Variants in ZNF737 observed in about 807,000 individuals in gnomAD.
ZNF737 encodes zinc finger protein 102 (Y3).
In ZNF737, 13 loss-of-function variants were observed where a neutral mutation model predicts 11.7. That is an observed-to-expected ratio of 1.11 (90% confidence interval 0.73 to 1.77). The LOEUF (loss-of-function observed/expected upper bound fraction) is 1.77. ZNF737 is among the 40% of genes most tolerant of loss of function. The pLI is 0.00. For missense variants in ZNF737, 636 were observed against 638.0 expected (o/e 1.00, Z 0.03); for synonymous variants, 217 against 216.2 (o/e 1.00, Z -0.03).
intron 1 of ZNF737, among the ~76,000 whole-genome samples, chr19:20,557,045 T>C (rs1316940823): frequency 2.6e-5 from 4 of 152,332 alleles, no homozygotes; most frequent in Middle Eastern, 3.4e-3. Flanking sequence ...ATGAAAGAGA[T>C]AGAAAGAAAG....
chr19:20,534,403 T>C (rs1472625473), downstream of ZNF737, among the ~76,000 whole-genome samples: 3 of 149,634 alleles, frequency 2.0e-5, no homozygotes, highest in South Asian at 6.5e-4. Context: ...GATTGTGCCA[T>C]TGCACTCCAG....
At chr19:20,535,638 G>T (rs1967941260), downstream of ZNF737, among the ~76,000 whole-genome samples, 2 of 150,822 alleles carry the variant, frequency 1.3e-5, no homozygotes, top group African/African-American at 4.9e-5. Context: ...AGATTCTCCT[G>T]CCTCAGCCTC....
Position 20,539,697 on chromosome 19 carries a change from T to C in ZNF737, c.*4895A>G. 2 of 965,062 alleles carry C rather than the reference T, an allele frequency of 2.1e-6. No individual in the cohort carries two copies. The highest frequency in any genetic ancestry group is 2.5e-6 in the Non-Finnish European group (2 of 811,524). The allele number at this position is 965,062 out of a possible 1,614,324, so 59.8% of individuals were successfully genotyped here. On this transcript the variant is annotated 3_prime_UTR_variant, in exon 4 of 4. Transcript: ENST00000427401. ...TTAATTATTTATAAATTCATTGTTT[T>C]TAAGGTTTTTCAAATATGAAAACAG... is the stretch of plus-strand genomic sequence containing the variant.
At position 20,541,216 on chromosome 19, in the gene ZNF737, T is replaced by A; in HGVS notation, c.*3376A>T. 7 of 983,652 alleles carry A rather than the reference T, an allele frequency of 7.1e-6. No homozygotes were observed. The highest frequency in any genetic ancestry group is 8.5e-6 in the Non-Finnish European group (7 of 828,322). The allele number at this position is 983,652 out of a possible 1,614,324, so 60.9% of individuals were successfully genotyped here. A position where few individuals can be genotyped will look rare whatever the true frequency, so the allele number is the denominator to read the frequency against. On this transcript the variant is annotated 3_prime_UTR_variant, in exon 4 of 4. Transcript: ENST00000427401. Reference sequence around the variant, plus strand: ...ACCTAAATAACATAATTTGTTTTGTTGCAGTAATTGCTTTTATTCTGAAAA... The same window carrying A: ...ACCTAAATAACATAATTTGTTTTGTAGCAGTAATTGCTTTTATTCTGAAAA...
At chr19:20,547,400 A>C (rs1371500182) in intron 3 of ZNF737, among the ~76,000 whole-genome samples, 3 of 148,594 alleles carry the variant, frequency 2.0e-5, no homozygotes, top group African/African-American at 2.5e-5. Flanking sequence ...AAAAAAAAAA[A>C]ACACCACCTA....
rs1555756434 is a variant in ZNF737, at chr19:20,545,074, C to T, written c.1129G>A (p.Ala377Thr). 4.3e-6 allele frequency: 7 copies of T among 1,612,694 alleles called. No homozygotes were observed. In the South Asian group the frequency reaches 5.5e-5, roughly 13 times the overall value. ...GTAAGGTGTGAGGACCAGTTGAAGGCTTTGCCACATTCTTCACATTTGTAG... is the reference window on the plus strand; with the variant it reads ...GTAAGGTGTGAGGACCAGTTGAAGGTTTTGCCACATTCTTCACATTTGTAG... The part of the protein sequence containing the change: ...KPYKCEECGK[A>T]FNWSSHLTTH... The change falls in exon 4 of 4, where the codon GCC (alanine) becomes ACC (threonine). Residue 377 changes from alanine to threonine, a missense_variant. Ala to Thr is a moderately conservative substitution (Grantham distance 58). Transcript: ENST00000427401.
chr19:20,556,347 AT>A (rs1396218064), intron 1 of ZNF737, among the ~76,000 whole-genome samples: 3 of 152,104 alleles, frequency 2.0e-5, no homozygotes, highest in African/African-American at 7.2e-5. Flanking sequence ...GGCACAAGAG[AT>A]TTCTGCAAAT....
Position 20,538,631 on chromosome 19 carries a change from C to T in ZNF737, c.*5961G>A, listed in dbSNP as rs1398969569. The T allele has an allele frequency of 1.0e-6, 1 of 983,304 alleles. No homozygotes were observed. Among genetic ancestry groups the T allele is most frequent in the African/African-American group, 1.7e-5 (1 of 57,202 alleles). The allele number at this position is 983,304 out of a possible 1,614,324, so 60.9% of individuals were successfully genotyped here. On this transcript the variant is annotated 3_prime_UTR_variant, in exon 4 of 4. Coordinates refer to ENST00000427401, the MANE Select transcript of ZNF737 (RefSeq NM_001159293.2). ...GCTATTTCTTTACAGCTCCAGAGAA[C>T]AAACATTTCTAAAACCATTATGGAC...
intron 1 of ZNF737, among the ~76,000 whole-genome samples, chr19:20,565,333 A>G (rs1298468777): frequency 6.6e-6 from 1 of 152,102 alleles, no homozygotes; most frequent in Non-Finnish European, 1.5e-5. Flanking sequence ...TTCTCCCCTG[A>G]CGACCCTCTG....
In ZNF737 at chr19:20,546,697, T is replaced by C. The variant is rs10426023; in HGVS notation, c.227-721A>G. 1.0e-3 allele frequency among the ~76,000 whole-genome samples: 152 copies of C among 152,244 alleles called. 1 individual carries two copies. The highest frequency in any genetic ancestry group is 3.5e-3 in the African/African-American group (146 of 41,544). ...AAGTTTGAGACCAGCCTGGGCAACA[T>C]AGTGAGATCCTAATACTACAAACAA... On this transcript the variant is annotated intron_variant, in intron 3 of 3. Coordinates refer to ENST00000427401, the MANE Select transcript of ZNF737 (RefSeq NM_001159293.2).
chr19:20,532,013 C>T (rs1967842223), downstream of ZNF737, among the ~76,000 whole-genome samples: 2 of 150,184 alleles, frequency 1.3e-5, no homozygotes, highest in Middle Eastern at 3.5e-3. Context: ...CATAGTTATA[C>T]AATTTTGTTT....
At chr19:20,554,931 T>G (rs1323092269) in intron 1 of ZNF737, among the ~76,000 whole-genome samples, 1 of 127,558 alleles carries the variant, frequency 7.8e-6, no homozygotes, top group African/African-American at 2.9e-5. Context: ...GGCATGATCT[T>G]GGCTCACTGC....
intron 1 of ZNF737, among the ~76,000 whole-genome samples, chr19:20,560,805 G>T (rs1969063051): frequency 6.6e-6 from 1 of 152,000 alleles, no homozygotes; most frequent in Admixed American, 6.6e-5. Flanking sequence ...GAAAGAAAAA[G>T]AAAATACTGT....
chr19:20,544,732 TA>T lies in ZNF737; in HGVS notation c.1470del (p.Phe490LeufsTer40). ...PYKCERCGKA[F>X]KRSFILTRHK... ...TGTCTAGTAAGGATAAAGGAGCGCT[TA>T]AAAGCCTTGCCACATCGTTCACATT... is the stretch of plus-strand genomic sequence containing the variant. On this transcript the variant is annotated frameshift_variant, in exon 4 of 4. Transcript: ENST00000427401. LOFTEE classifies it low-confidence loss of function (END_TRUNC). 6.2e-7 allele frequency: 1 copy of T among 1,606,742 alleles called. No individual in the cohort carries two copies.
At position 20,542,220 on chromosome 19, in the gene ZNF737, A is replaced by G; in HGVS notation, c.*2372T>C. On this transcript the variant is annotated 3_prime_UTR_variant, in exon 4 of 4. Transcript: ENST00000427401. The stretch of plus-strand genomic sequence containing the variant: ...AAATAAAATAAAATTAAGTTCACAA[A>G]TAATCTAACAAACTTTTTTTTTTTT... The G allele has an allele frequency of 6.1e-6, 6 of 981,332 alleles. No individual in the cohort carries two copies. Among genetic ancestry groups the G allele is most frequent in the Non-Finnish European group, 7.3e-6 (6 of 827,374 alleles). The allele number at this position is 981,332 out of a possible 1,614,324, so 60.8% of individuals were successfully genotyped here. A position where few individuals can be genotyped will look rare whatever the true frequency, so the allele number is the denominator to read the frequency against.
At chr19:20,537,376 A>G (rs1233898595), downstream of ZNF737, among the ~76,000 whole-genome samples, 3 of 150,950 alleles carry the variant, frequency 2.0e-5, no homozygotes, top group Admixed American at 6.6e-5. Context: ...AATTTCTTGT[A>G]TTTTTAGTAG....
At chr19:20,554,294 G>A (rs2021181) in intron 1 of ZNF737, among the ~76,000 whole-genome samples, 36,126 of 152,054 alleles carry the variant, frequency 0.24, 4,374 homozygotes, top group South Asian at 0.33. Context: ...GCTCACCAAT[G>A]ATGTCAATGT....
chr19:20,553,339 ACCTCCG>A (rs1555759247), intron 2 of ZNF737, among the ~76,000 whole-genome samples: 2 of 151,808 alleles, frequency 1.3e-5, no homozygotes, highest in Admixed American at 1.3e-4. Context: ...ACTCACTGCA[ACCTCCG>A]CCTCCTGGGT....
rs1026298119 is a variant in ZNF737 at position 20,540,997 on chromosome 19, T to C, written c.*3595A>G. On this transcript the variant is annotated 3_prime_UTR_variant, in exon 4 of 4. Transcript: ENST00000427401. ...ATAAGTGTTAAAAATGATTTTTTTT[T>C]CCTGTTTTAAGAGGGCTTTTATTAT... 277 of 984,840 alleles carry C rather than the reference T, an allele frequency of 2.8e-4. 1 individual carries two copies. Among genetic ancestry groups the C allele is most frequent in the Middle Eastern group, 1.6e-3 (3 of 1,914 alleles). 61.0% of individuals were successfully genotyped at this position (984,840 alleles called of 1,614,324 possible).
Sources: allele counts gnomAD v4.1 joint callset (sites outside exome capture counted in the v4.1 genomes callset), GRCh38; gene constraint gnomAD v4.1.1; transcripts MANE v1.5; gene names NCBI Gene and HGNC (gene_info 2026-07-23, HGNC 2026-07-21).